Variants in PCSK5 observed in about 807,000 individuals in gnomAD.
The protein encoded by PCSK5 is prohormone convertase 5.
Under a neutral mutation model 233.2 loss-of-function variants are expected in PCSK5, and 129 were observed. The observed-to-expected ratio is 0.55, with a 90% CI of 0.48 to 0.64. The LOEUF is 0.64. Among genes scored for constraint, PCSK5 ranks in the 30% least tolerant of loss-of-function variants. The pLI, the probability that PCSK5 is intolerant of heterozygous loss-of-function variation, is 0.00. For missense variants in PCSK5, 2,076 were observed against 2,430.1 expected, an observed-to-expected ratio of 0.85 and a Z score of 3.06; for synonymous variants, 825 against 879.2, an observed-to-expected ratio of 0.94 and a Z score of 1.09.
intron 9 of PCSK5, among the ~76,000 whole-genome samples, chr9:76,132,956 C>T (rs1822820615): frequency 6.6e-6 from 1 of 151,982 alleles, no homozygotes; most frequent in Non-Finnish European, 1.5e-5. Context: ...CAGGCCCTAT[C>T]ATGAAAAATT....
intron 2 of PCSK5, among the ~76,000 whole-genome samples, chr9:75,980,464 A>G (rs1398784024): frequency 1.3e-5 from 2 of 152,224 alleles, no homozygotes; most frequent in Non-Finnish European, 2.9e-5. Context: ...CTCTGATGGA[A>G]GCATCTGATG....
chr9:75,954,419 C>G (rs779749766), intron 2 of PCSK5, among the ~76,000 whole-genome samples: 11 of 152,238 alleles, frequency 7.2e-5, no homozygotes, highest in South Asian at 4.1e-4. Flanking sequence ...ATATCTCCCC[C>G]TCCCGCTCCT....
In PCSK5 at chr9:76,004,183, T is replaced by C. The variant is rs114716820; in HGVS notation, c.411+17938T>C. Among the ~76,000 whole-genome samples the C allele has an allele frequency of 1.1e-3, 174 of 152,268 alleles. 1 individual carries two copies. The highest frequency in any genetic ancestry group is 6.8e-3 in the Middle Eastern group (2 of 294). On this transcript the variant is annotated intron_variant, in intron 3 of 37. Transcript: ENST00000674117. ...AAACTGAGGAGGGTAGGAAGTGGTCTTTCATGTTGATGATTTTGATGAGGC... is the reference window on the plus strand; with the variant it reads ...AAACTGAGGAGGGTAGGAAGTGGTCCTTCATGTTGATGATTTTGATGAGGC...
intron 5 of PCSK5, among the ~76,000 whole-genome samples, chr9:76,062,949 C>T (rs1232410827): frequency 6.6e-6 from 1 of 152,078 alleles, no homozygotes; most frequent in Middle Eastern, 3.2e-3. Flanking sequence ...CCTCATCCCC[C>T]ACACAGTCCT....
At chr9:75,900,987 G>A (rs1826006663) in intron 1 of PCSK5, among the ~76,000 whole-genome samples, 1 of 152,034 alleles carries the variant, frequency 6.6e-6, no homozygotes, top group Non-Finnish European at 1.5e-5. Context: ...CAGGGTGTAA[G>A]TAAAGAGGGA....
At chr9:76,139,657 CTA>C (rs1587676953) in intron 10 of PCSK5, among the ~76,000 whole-genome samples, 1 of 151,956 alleles carries the variant, frequency 6.6e-6, no homozygotes, top group African/African-American at 2.4e-5. Context: ...TTTTAAGATT[CTA>C]TGTTTTCTAC....
intron 21 of PCSK5, among the ~76,000 whole-genome samples, chr9:76,232,115 C>G (rs73460381): frequency 6.6e-6 from 1 of 152,104 alleles, no homozygotes; most frequent in African/African-American, 2.4e-5. Flanking sequence ...GCCCACCCCC[C>G]AGTTCAGGGT....
intron 10 of PCSK5, among the ~76,000 whole-genome samples, chr9:76,153,247 T>C (rs989909745): frequency 7.2e-5 from 11 of 152,246 alleles, no homozygotes; most frequent in African/African-American, 1.9e-4. Flanking sequence ...TTCTGAAATG[T>C]ACTCCAGTAA....
intron 7 of PCSK5, among the ~76,000 whole-genome samples, chr9:76,079,909 T>C (rs1830773626): frequency 6.6e-6 from 1 of 152,218 alleles, no homozygotes; most frequent in South Asian, 2.1e-4. Context: ...TTTTTCTGTC[T>C]CTATTGAGTT....
At chr9:76,255,202 G>A (rs1449015398) in intron 24 of PCSK5, among the ~76,000 whole-genome samples, 1 of 152,056 alleles carries the variant, frequency 6.6e-6, no homozygotes, top group East Asian at 1.9e-4. Flanking sequence ...TGGGATGATT[G>A]CCTGAGCCCG....
rs114162624 is a variant in PCSK5 at position 76,107,550 on chromosome 9, A to G, written c.1208+199A>G. Among the ~76,000 whole-genome samples the G allele has an allele frequency of 2.6e-3, 400 of 152,344 alleles. 3 individuals carry two copies. The highest frequency in any genetic ancestry group is 8.6e-3 in the African/African-American group (356 of 41,580). On this transcript the variant is annotated intron_variant, in intron 9 of 37. Coordinates refer to ENST00000674117, the MANE Select transcript of PCSK5 (RefSeq NM_001372043.1). ...AAGAAGATTAGGTTTTTGGTTTTAC[A>G]TGCTTAAAAAATCAAACTGTGTAAT... is the stretch of plus-strand genomic sequence containing the variant.
chr9:76,109,447 A>AAC (rs1361623670), intron 9 of PCSK5, among the ~76,000 whole-genome samples: 3 of 151,668 alleles, frequency 2.0e-5, no homozygotes, highest in African/African-American at 4.8e-5. Context: ...TTTAAAAAAA[A>AAC]AACAGTTCTT....
chr9:76,361,243 G>C lies in PCSK5; in HGVS notation c.*2321G>C, dbSNP rs1301675932. On this transcript the variant is annotated 3_prime_UTR_variant, in exon 38 of 38. Transcript: ENST00000674117. ...ACCTGTAATCCCAGCTACTCAGGAG[G>C]CTGAGGCAGGCAAATCACTTGAGCC... 6.6e-6 allele frequency: 1 copy of C among 152,108 alleles called. No homozygotes were observed. Among genetic ancestry groups the C allele is most frequent in the Non-Finnish European group, 1.5e-5 (1 of 68,050 alleles). The allele number at this position is 152,108 out of a possible 1,614,324, so 9.4% of individuals were successfully genotyped here. A position where few individuals can be genotyped will look rare whatever the true frequency, so the allele number is the denominator to read the frequency against.
chr9:76,036,374 T>C (rs10869682), intron 5 of PCSK5, among the ~76,000 whole-genome samples: 22,414 of 152,212 alleles, frequency 0.15, 1,786 homozygotes, highest in South Asian at 0.26. Flanking sequence ...GTTCTTTAGA[T>C]TACAACACAT....
chr9:75,962,607 G>T (rs1244357387), intron 2 of PCSK5, among the ~76,000 whole-genome samples: 14 of 152,194 alleles, frequency 9.2e-5, no homozygotes, highest in African/African-American at 3.1e-4. Context: ...GCCTAACCTT[G>T]AAAAGAGGCA....
chr9:76,062,250 A>T (rs551537029), intron 5 of PCSK5, among the ~76,000 whole-genome samples: 1 of 139,902 alleles, frequency 7.1e-6, no homozygotes, highest in Non-Finnish European at 1.5e-5. Flanking sequence ...CCCGTCTCCT[A>T]AAAAAAAAAT....
intron 1 of PCSK5, among the ~76,000 whole-genome samples, chr9:75,922,420 G>A (rs1010145338): frequency 2.0e-5 from 3 of 152,108 alleles, no homozygotes; most frequent in African/African-American, 4.8e-5. Flanking sequence ...CTGGGGAGAC[G>A]TTACAGATGG....
At position 76,362,961 on chromosome 9, in the gene PCSK5, C is replaced by T. The variant is rs1194995510; in HGVS notation, c.*4039C>T. ...TTGCCGATGCTCCTGGCCGAATAAA[C>T]TGCTCCTTCTTTAACTCGGTGTCTG... On this transcript the variant is annotated 3_prime_UTR_variant, in exon 38 of 38. Coordinates refer to ENST00000674117, the MANE Select transcript of PCSK5 (RefSeq NM_001372043.1). Among the ~76,000 whole-genome samples, 1 of 152,196 alleles carries T rather than the reference C, an allele frequency of 6.6e-6. No individual in the cohort carries two copies. The highest frequency in any genetic ancestry group is 1.9e-4 in the East Asian group (1 of 5,200).
intron 24 of PCSK5, among the ~76,000 whole-genome samples, chr9:76,285,143 A>G (rs1238562889): frequency 6.6e-6 from 1 of 152,126 alleles, no homozygotes; most frequent in African/African-American, 2.4e-5. Context: ...CTGGAGCATG[A>G]CTTTGGTCTA....
Sources: allele counts gnomAD v4.1 joint callset (sites outside exome capture counted in the v4.1 genomes callset), GRCh38; gene constraint gnomAD v4.1.1; transcripts MANE v1.5; gene names NCBI Gene and HGNC (gene_info 2026-07-23, HGNC 2026-07-21).